CADM2: variants seen among roughly 807,000 people sequenced by gnomAD.
CADM2 encodes cell adhesion molecule 2, also known as immunoglobulin superfamily member 4D.
A neutral mutation model predicts 49.8 loss-of-function variants in CADM2; 12 were observed. The observed-to-expected ratio is 0.24, with a 90% CI of 0.15 to 0.39. The LOEUF (loss-of-function observed/expected upper bound fraction) is 0.39. CADM2 is among the 10% of genes least tolerant of loss of function. The pLI is 1.00. For synonymous variants in CADM2, 214 were observed against 175.4 expected, an observed-to-expected ratio of 1.22 and a Z score of -1.74; for missense variants, 378 against 492.3, an observed-to-expected ratio of 0.77 and a Z score of 2.20.
chr3:85,765,062 A>C (rs928482642), intron 2 of CADM2, among the ~76,000 whole-genome samples: 3 of 152,082 alleles, frequency 2.0e-5, no homozygotes, highest in African/African-American at 7.2e-5. Context: ...AAAGAGCTCA[A>C]CTTTGAATTT....
intron 7 of CADM2, among the ~76,000 whole-genome samples, chr3:85,947,662 G>C (rs75497215): frequency 6.6e-6 from 1 of 151,204 alleles, no homozygotes; most frequent in Non-Finnish European, 1.5e-5. Context: ...ACATTGACTC[G>C]CTGGAAACAC....
At chr3:85,306,284 T>G (rs1327071061) in intron 1 of CADM2, among the ~76,000 whole-genome samples, 1 of 151,656 alleles carries the variant, frequency 6.6e-6, no homozygotes, top group Non-Finnish European at 1.5e-5. Context: ...GTTTTTAAAT[T>G]GCAAATTTGT....
At chr3:85,584,489 A>G (rs1217832723) in intron 1 of CADM2, among the ~76,000 whole-genome samples, 1 of 152,098 alleles carries the variant, frequency 6.6e-6, no homozygotes, top group Non-Finnish European at 1.5e-5. Context: ...TTATAAATAT[A>G]TGTTATGGTG....
At chr3:85,820,902 T>A (rs1024103531) in intron 3 of CADM2, among the ~76,000 whole-genome samples, 2 of 152,156 alleles carry the variant, frequency 1.3e-5, no homozygotes, top group Non-Finnish European at 2.9e-5. Context: ...ATTTAAATAC[T>A]CTTTTTATTT....
intron 1 of CADM2, among the ~76,000 whole-genome samples, chr3:85,234,996 T>G (rs2042378930): frequency 1.3e-5 from 2 of 150,570 alleles, no homozygotes; most frequent in Non-Finnish European, 1.5e-5. Context: ...CAAACCTCAG[T>G]CCTCTGGTTT....
chr3:85,340,984 C>A (rs2045224785), intron 1 of CADM2, among the ~76,000 whole-genome samples: 1 of 151,668 alleles, frequency 6.6e-6, no homozygotes, highest in African/African-American at 2.4e-5. Context: ...TATTAGAAGT[C>A]TAATATTTAC....
At chr3:85,612,396 A>G (rs953173623) in intron 1 of CADM2, among the ~76,000 whole-genome samples, 3 of 151,840 alleles carry the variant, frequency 2.0e-5, no homozygotes, top group Non-Finnish European at 4.4e-5. Context: ...TTGCAAAATA[A>G]GGATTATAAA....
intron 8 of CADM2, among the ~76,000 whole-genome samples, chr3:86,043,318 T>G (rs1736202471): frequency 6.6e-6 from 1 of 152,206 alleles, no homozygotes; most frequent in Admixed American, 6.5e-5. Flanking sequence ...CATGATTGTA[T>G]ATCTAGAAAA....
intron 2 of CADM2, among the ~76,000 whole-genome samples, chr3:85,766,628 G>A (rs989182759): frequency 6.6e-6 from 1 of 152,170 alleles, no homozygotes; most frequent in African/African-American, 2.4e-5. Context: ...CAATTGCATA[G>A]GAAGGGAAAA....
chr3:85,825,753 A>C (rs1259462838), intron 3 of CADM2, among the ~76,000 whole-genome samples: 1 of 152,020 alleles, frequency 6.6e-6, no homozygotes, highest in African/African-American at 2.4e-5. Context: ...TATGACAGCC[A>C]CTTTTTAAAA....
At chr3:85,157,881 A>G (rs2040188959) in intron 1 of CADM2, among the ~76,000 whole-genome samples, 1 of 152,254 alleles carries the variant, frequency 6.6e-6, no homozygotes, top group Non-Finnish European at 1.5e-5. Context: ...AGCAAAACAA[A>G]CTACCATCAG....
intron 1 of CADM2, among the ~76,000 whole-genome samples, chr3:85,496,833 A>C (rs746898436): frequency 6.6e-6 from 1 of 151,942 alleles, no homozygotes; most frequent in Admixed American, 6.6e-5. Context: ...GACCACTTGT[A>C]TGTCTTTATT....
At position 86,069,737 on chromosome 3, in the gene CADM2, C is replaced by A. The variant is rs948814609; in HGVS notation, c.*2954C>A. 1 of 151,968 alleles carries A rather than the reference C, an allele frequency of 6.6e-6. No individual in the cohort carries two copies. Among genetic ancestry groups the A allele is most frequent in the African/African-American group, 2.4e-5 (1 of 41,438 alleles). The allele number at this position is 151,968 out of a possible 1,614,324, so 9.4% of individuals were successfully genotyped here. A position where few individuals can be genotyped will look rare whatever the true frequency, so the allele number is the denominator to read the frequency against. On this transcript the variant is annotated 3_prime_UTR_variant, in exon 10 of 10. Transcript: ENST00000383699. ...CCTTAGTAGAATATGGAGCATTATT[C>A]TTTACCAAAAGTAGCTATTCTCTGC...
At chr3:85,495,905 A>G (rs781323132) in intron 1 of CADM2, among the ~76,000 whole-genome samples, 1 of 152,132 alleles carries the variant, frequency 6.6e-6, no homozygotes, top group Non-Finnish European at 1.5e-5. Context: ...TAGGAATTAC[A>G]TTTCCACATG....
At chr3:85,012,874 G>C (rs2034061782) in intron 1 of CADM2, among the ~76,000 whole-genome samples, 2 of 151,690 alleles carry the variant, frequency 1.3e-5, no homozygotes, top group South Asian at 4.1e-4. Context: ...GACAAAAAAA[G>C]TACCAGGATT....
intron 1 of CADM2, among the ~76,000 whole-genome samples, chr3:85,168,944 T>C (rs1373379829): frequency 6.6e-6 from 1 of 151,626 alleles, no homozygotes; most frequent in Non-Finnish European, 1.5e-5. Context: ...TTAGTAAAGA[T>C]TTATTTATTT....
In CADM2 at chr3:85,441,946, G is replaced by C. The variant is rs989914288; in HGVS notation, c.62-284576G>C. Reference sequence around the variant, plus strand: ...CTATAAGCAGAAGAACAATAAATTAGCTAAAAATAAATGCATGCAGAGACA... The same window carrying C: ...CTATAAGCAGAAGAACAATAAATTACCTAAAAATAAATGCATGCAGAGACA... On this transcript the variant is annotated intron_variant, in intron 1 of 9. Transcript: ENST00000383699. 2.0e-5 allele frequency among the ~76,000 whole-genome samples: 3 copies of C among 152,134 alleles called. 1 individual carries two copies. The highest frequency in any genetic ancestry group is 2.0e-4 in the Admixed American group (3 of 15,260).
chr3:85,063,396 T>C (rs1291014905), intron 1 of CADM2, among the ~76,000 whole-genome samples: 1 of 151,980 alleles, frequency 6.6e-6, no homozygotes, highest in African/African-American at 2.4e-5. Flanking sequence ...AAGAAAAGCC[T>C]TTAGTGTTAT....
At chr3:85,822,488 G>A (rs1167622560) in intron 3 of CADM2, among the ~76,000 whole-genome samples, 1 of 152,028 alleles carries the variant, frequency 6.6e-6, no homozygotes, top group African/African-American at 2.4e-5. Context: ...GGAGGCTAAG[G>A]CAGAAGAATT....
Sources: gnomAD v4.1 joint callset for allele counts (sites outside exome capture counted in the v4.1 genomes callset) on GRCh38, gnomAD v4.1.1 for gene constraint, MANE v1.5 for transcripts, NCBI Gene and HGNC (gene_info 2026-07-23, HGNC 2026-07-21) for gene names.